FMN2: variants seen among roughly 807,000 people sequenced by gnomAD.
FMN2 encodes formin-2.
Under a neutral mutation model 142.3 loss-of-function variants are expected in FMN2, and 51 were observed. That is an observed-to-expected ratio of 0.36 (90% CI 0.29 to 0.45). FMN2 has a LOEUF of 0.45. Ranked by LOEUF, FMN2 falls within the 20% of genes least tolerant of loss-of-function variation. The probability of loss-of-function intolerance (pLI) is 1.00; values close to 1 mark genes in which losing one functional copy is unlikely to be tolerated. For synonymous variants in FMN2, 882 were observed against 869.8 expected (o/e 1.01, Z -0.25); for missense variants, 1,936 against 2,122.8 (o/e 0.91, Z 1.73).
At chr1:240,202,938 C>G (rs1390497605) in intron 4 of FMN2, among the ~76,000 whole-genome samples, 1 of 152,194 alleles carries the variant, frequency 6.6e-6, no homozygotes, top group African/African-American at 2.4e-5. Context: ...TATTTATCAA[C>G]TAACCTTTTT....
chr1:240,319,649 C>T (rs1670905106), intron 8 of FMN2, among the ~76,000 whole-genome samples: 5 of 152,042 alleles, frequency 3.3e-5, no homozygotes, highest in African/African-American at 1.2e-4. Flanking sequence ...GGGACTTTCC[C>T]TTATGGAAGT....
At chr1:240,277,525 CTTTTTTTTTT>C (rs34678861) in intron 7 of FMN2, among the ~76,000 whole-genome samples, 6,744 of 66,728 alleles carry the variant, frequency 0.1, 198 homozygotes, top group East Asian at 0.21. Flanking sequence ...GCATCTTCTT[CTTTTTTTTTT>C]TTTTTTTTTT....
At position 240,474,035 on chromosome 1, in the gene FMN2, A is replaced by C. The variant is rs569329287; in HGVS notation, c.5143-93A>C. On this transcript the variant is annotated intron_variant, in intron 17 of 17. Transcript: ENST00000319653. ...AACCTTGTCCCACAGAATTTGATCC[A>C]AATGAAAAGGTCTTTTTTAGGCTAC... is the stretch of plus-strand genomic sequence containing the variant. The C allele has an allele frequency of 2.9e-5, 33 of 1,123,290 alleles. No individual in the cohort carries two copies. The South Asian group carries it at 3.6e-4, about 12-fold the overall frequency. The allele number at this position is 1,123,290 out of a possible 1,614,324, so 69.6% of individuals were successfully genotyped here. A position where few individuals can be genotyped will look rare whatever the true frequency, so the allele number is the denominator to read the frequency against.
intron 7 of FMN2, among the ~76,000 whole-genome samples, chr1:240,270,204 G>C (rs1668952432): frequency 6.6e-6 from 1 of 151,976 alleles, no homozygotes; most frequent in Admixed American, 6.6e-5. Flanking sequence ...GAAACATTCT[G>C]TCTATACCCA....
At chr1:240,161,355 A>G (rs1169590027) in intron 2 of FMN2, among the ~76,000 whole-genome samples, 1 of 151,918 alleles carries the variant, frequency 6.6e-6, no homozygotes, top group African/African-American at 2.4e-5. Context: ...ACAAGGTGAA[A>G]CCCTGTCTCT....
intron 1 of FMN2, among the ~76,000 whole-genome samples, chr1:240,105,047 T>TTTA (rs1299206569): frequency 6.6e-6 from 1 of 152,018 alleles, no homozygotes; most frequent in Non-Finnish European, 1.5e-5. Flanking sequence ...AAAGGTTTTA[T>TTTA]TTGAGTAGGT....
intron 14 of FMN2, among the ~76,000 whole-genome samples, chr1:240,391,944 A>C (rs1241656521): frequency 6.6e-6 from 1 of 152,164 alleles, no homozygotes; most frequent in Non-Finnish European, 1.5e-5. Flanking sequence ...GTAGCAGATC[A>C]CAATTCTTTA....
intron 8 of FMN2, among the ~76,000 whole-genome samples, chr1:240,299,645 A>G (rs1415949999): frequency 2.0e-5 from 3 of 152,104 alleles, no homozygotes; most frequent in Non-Finnish European, 4.4e-5. Flanking sequence ...CTTCTTGTTG[A>G]TGTAATTTCA....
rs778809949 is a variant in FMN2 at position 240,092,196 on chromosome 1, C to G, written c.87C>G (p.Pro29=). Reference sequence around the variant, plus strand: ...GTGGCGCCGAGGATGCGCTGGGGCCCAGGGATGTGGAAGCCACAAAGAAGG... The same window carrying G: ...GTGGCGCCGAGGATGCGCTGGGGCCGAGGGATGTGGAAGCCACAAAGAAGG... ...GGGGAEDALG[P]RDVEATKKGS... Residue 29 remains proline (P), a synonymous_variant, in exon 1 of 18, where the codon CCC becomes CCG. Coordinates refer to ENST00000319653, the MANE Select transcript of FMN2 (RefSeq NM_020066.5). 6.3e-7 allele frequency: 1 copy of G among 1,580,690 alleles called. No homozygotes were observed. Among genetic ancestry groups the G allele is most frequent in the African/African-American group, 1.4e-5 (1 of 73,804 alleles).
chr1:240,340,833 T>G (rs1023227576), intron 13 of FMN2, among the ~76,000 whole-genome samples: 2 of 152,186 alleles, frequency 1.3e-5, no homozygotes, highest in African/African-American at 2.4e-5. Flanking sequence ...TTTTAAAATT[T>G]TTTGTATTGC....
chr1:240,170,311 A>G, intron 2 of FMN2: 1 of 1,082,484 alleles, frequency 9.2e-7, no homozygotes, highest in Admixed American at 1.7e-5. Context: ...TTGCCATACC[A>G]ATGCCTATAC....
At chr1:240,415,806 A>G (rs1174563996) in intron 15 of FMN2, among the ~76,000 whole-genome samples, 2 of 152,214 alleles carry the variant, frequency 1.3e-5, no homozygotes, top group Non-Finnish European at 2.9e-5. Flanking sequence ...GATAGCTGCT[A>G]TAAGAGCTGC....
At chr1:240,412,023 T>C (rs1485010904) in intron 15 of FMN2, among the ~76,000 whole-genome samples, 1 of 152,114 alleles carries the variant, frequency 6.6e-6, no homozygotes, top group Admixed American at 6.5e-5. Context: ...TAGGAGATGG[T>C]GTCCACAGAT....
intron 2 of FMN2, among the ~76,000 whole-genome samples, chr1:240,159,826 CTT>C (rs1042143808): frequency 2.0e-5 from 3 of 150,262 alleles, no homozygotes; most frequent in African/African-American, 7.3e-5. Flanking sequence ...TTTGCTCTCT[CTT>C]GAGTGCTTAG....
intron 15 of FMN2, among the ~76,000 whole-genome samples, chr1:240,397,597 T>G (rs545241811): frequency 1.3e-5 from 2 of 151,992 alleles, no homozygotes; most frequent in South Asian, 4.2e-4. Context: ...TCAACCAGCC[T>G]GGCCAACATG....
At chr1:240,432,059 C>A (rs1044342336) in intron 15 of FMN2, among the ~76,000 whole-genome samples, 4 of 151,806 alleles carry the variant, frequency 2.6e-5, no homozygotes, top group African/African-American at 9.7e-5. Context: ...TTTATTTCTT[C>A]ATCAAATGTT....
chr1:240,453,561 G>T (rs1438930562), intron 16 of FMN2, among the ~76,000 whole-genome samples: 1 of 152,088 alleles, frequency 6.6e-6, no homozygotes, highest in African/African-American at 2.4e-5. Flanking sequence ...TTATAAATGA[G>T]CCCAGTGTTT....
intron 2 of FMN2, among the ~76,000 whole-genome samples, chr1:240,163,252 T>A (rs1349943580): frequency 6.6e-6 from 1 of 152,198 alleles, no homozygotes; most frequent in Admixed American, 6.6e-5. Flanking sequence ...ATTATGTTGT[T>A]CAGATCTTCC....
At chr1:240,130,597 C>G (rs914911895) in intron 2 of FMN2, among the ~76,000 whole-genome samples, 1 of 152,208 alleles carries the variant, frequency 6.6e-6, no homozygotes, top group Non-Finnish European at 1.5e-5. Context: ...AGCCACCACG[C>G]CCAGCTGAAT....
Sources: gnomAD v4.1 joint callset for allele counts (sites outside exome capture counted in the v4.1 genomes callset) on GRCh38, gnomAD v4.1.1 for gene constraint, MANE v1.5 for transcripts, NCBI Gene and HGNC (gene_info 2026-07-23, HGNC 2026-07-21) for gene names.